The following TSHZ2 variants were observed in gnomAD, a reference collection of about 807,000 sequenced individuals.
The protein encoded by TSHZ2 is teashirt homolog 2.
In TSHZ2, 21 loss-of-function variants were observed where a neutral mutation model predicts 74.4. That is an observed-to-expected ratio of 0.28 (90% confidence interval 0.20 to 0.41). TSHZ2 has a LOEUF of 0.41. TSHZ2 is among the 10% of genes least tolerant of loss of function. The probability of loss-of-function intolerance (pLI) is 1.00; values close to 1 mark genes in which losing one functional copy is unlikely to be tolerated. For missense variants in TSHZ2, 1,244 were observed against 1,293.5 expected, an observed-to-expected ratio of 0.96 and a Z score of 0.59; for synonymous variants, 540 against 515.3, an observed-to-expected ratio of 1.05 and a Z score of -0.65.
At chr20:53,069,315 A>G (rs979745982) in intron 1 of TSHZ2, among the ~76,000 whole-genome samples, 5 of 152,142 alleles carry the variant, frequency 3.3e-5, no homozygotes, top group African/African-American at 1.2e-4. Context: ...GCCCTACTGA[A>G]GACTGCTGGA....
At chr20:53,425,663 C>A (rs2145724245) in intron 2 of TSHZ2, among the ~76,000 whole-genome samples, 1 of 152,314 alleles carries the variant, frequency 6.6e-6, no homozygotes, top group South Asian at 2.1e-4. Flanking sequence ...TCCATTGCAA[C>A]TATTGAGCTC....
At chr20:53,005,443 A>G (rs189340918) in intron 1 of TSHZ2, among the ~76,000 whole-genome samples, 32 of 152,292 alleles carry the variant, frequency 2.1e-4, no homozygotes, top group Non-Finnish European at 3.8e-4. Context: ...CAGAGGAGAA[A>G]TGGTGGCCTA....
At chr20:53,033,226 C>G (rs996090474) in intron 1 of TSHZ2, among the ~76,000 whole-genome samples, 1 of 152,176 alleles carries the variant, frequency 6.6e-6, no homozygotes, top group Non-Finnish European at 1.5e-5. Context: ...CGAGAATAGT[C>G]CTTTTCTACA....
intron 2 of TSHZ2, among the ~76,000 whole-genome samples, chr20:53,375,823 A>G (rs1981638530): frequency 6.6e-6 from 1 of 152,166 alleles, no homozygotes; most frequent in Admixed American, 6.5e-5. Context: ...TTAGCTCCTC[A>G]TTACCAAAAG....
At chr20:53,040,251 G>A (rs780576948) in intron 1 of TSHZ2, among the ~76,000 whole-genome samples, 7 of 152,186 alleles carry the variant, frequency 4.6e-5, no homozygotes, top group Non-Finnish European at 1.0e-4. Context: ...TGATGTCTAG[G>A]AGAAACATGT....
chr20:53,473,138 A>G (rs914938861), intron 2 of TSHZ2, among the ~76,000 whole-genome samples: 4 of 146,712 alleles, frequency 2.7e-5, no homozygotes, highest in Admixed American at 6.8e-5. Flanking sequence ...GGAAGCTCCA[A>G]CTGGGCCCAG....
intron 2 of TSHZ2, among the ~76,000 whole-genome samples, chr20:53,277,460 G>C (rs1263562794): frequency 2.1e-5 from 3 of 146,048 alleles, no homozygotes; most frequent in South Asian, 2.2e-4. Flanking sequence ...TAAAAAACAG[G>C]AAAAAAAAAA....
intron 2 of TSHZ2, among the ~76,000 whole-genome samples, chr20:53,369,951 G>A (rs1981408044): frequency 2.0e-5 from 3 of 152,172 alleles, no homozygotes; most frequent in South Asian, 2.1e-4. Flanking sequence ...TGTTCTTTGT[G>A]TTGGAAAGTT....
intron 1 of TSHZ2, among the ~76,000 whole-genome samples, chr20:53,072,223 A>T (rs1190873254): frequency 6.6e-6 from 1 of 152,208 alleles, no homozygotes; most frequent in Non-Finnish European, 1.5e-5. Context: ...AGTTTGGGAA[A>T]TTCTTTTGTT....
intron 1 of TSHZ2, among the ~76,000 whole-genome samples, chr20:52,974,738 C>G (rs1600624215): frequency 6.6e-6 from 1 of 152,184 alleles, no homozygotes; most frequent in African/African-American, 2.4e-5. Flanking sequence ...GTTGAACCAC[C>G]AAGCTCATCC....
intron 2 of TSHZ2, among the ~76,000 whole-genome samples, chr20:53,338,194 A>G (rs991429539): frequency 6.6e-6 from 1 of 152,246 alleles, no homozygotes; most frequent in Admixed American, 6.5e-5. Context: ...TTATCTGAGC[A>G]GAGAGAATGT....
In TSHZ2 at chr20:53,253,998, C is replaced by T. The variant is rs372069956; in HGVS notation, c.540C>T (p.Asn180=). The change falls in exon 2 of 3, where the codon AAC becomes AAT. Residue 180 remains asparagine (N), a synonymous_variant. Transcript: ENST00000371497. ...QDALSKSLQQ[N]LPSRSVSKPS... The stretch of plus-strand genomic sequence containing the variant: ...CTCTGTCCAAAAGCCTGCAGCAGAA[C>T]TTGCCTTCTCGGTCCGTCTCGAAAC... 2 of 1,614,050 alleles carry T rather than the reference C, an allele frequency of 1.2e-6. No individual in the cohort carries two copies. The highest frequency in any genetic ancestry group is 2.2e-5 in the East Asian group (1 of 44,888).
chr20:53,002,664 AAAG>A (rs1004278134), intron 1 of TSHZ2, among the ~76,000 whole-genome samples: 48 of 152,112 alleles, frequency 3.2e-4, no homozygotes, highest in African/African-American at 1.1e-3. Flanking sequence ...AATTTATAAA[AAAG>A]AACAGGATGC....
chr20:53,104,650 T>C (rs967220926), intron 1 of TSHZ2, among the ~76,000 whole-genome samples: 4 of 152,212 alleles, frequency 2.6e-5, no homozygotes, highest in African/African-American at 9.6e-5. Context: ...GCTTGGCTTA[T>C]GATGAATACC....
chr20:53,082,616 C>T (rs1051829541), intron 1 of TSHZ2, among the ~76,000 whole-genome samples: 5 of 152,210 alleles, frequency 3.3e-5, no homozygotes, highest in African/African-American at 1.2e-4. Flanking sequence ...TAAAGCCTTT[C>T]AAAGGACTTC....
intron 2 of TSHZ2, among the ~76,000 whole-genome samples, chr20:53,379,660 T>C (rs373484791): frequency 3.9e-5 from 6 of 152,244 alleles, no homozygotes; most frequent in African/African-American, 7.2e-5. Context: ...GGATGTCTAA[T>C]TGAAGCAATG....
At chr20:53,326,985 TTG>T (rs2145538218) in intron 2 of TSHZ2, among the ~76,000 whole-genome samples, 1 of 152,324 alleles carries the variant, frequency 6.6e-6, no homozygotes, top group Non-Finnish European at 1.5e-5. Flanking sequence ...GAAATAGAGC[TTG>T]TTCTGGAAAA....
chr20:53,245,478 T>C (rs768482739), intron 1 of TSHZ2, among the ~76,000 whole-genome samples: 1 of 152,254 alleles, frequency 6.6e-6, no homozygotes, highest in African/African-American at 2.4e-5. Flanking sequence ...CAAAGTTGTA[T>C]GATCTTTTCA....
intron 1 of TSHZ2, among the ~76,000 whole-genome samples, chr20:53,158,632 T>C (rs1002394535): frequency 2.6e-5 from 4 of 152,204 alleles, no homozygotes; most frequent in African/African-American, 9.7e-5. Context: ...GTTTTTACTC[T>C]ATCAACATCC....
Sources: gnomAD v4.1 joint callset for allele counts (sites outside exome capture counted in the v4.1 genomes callset) on GRCh38, gnomAD v4.1.1 for gene constraint, MANE v1.5 for transcripts, NCBI Gene and HGNC (gene_info 2026-07-23, HGNC 2026-07-21) for gene names.